MB21D2: variants seen among roughly 807,000 people sequenced by gnomAD.
MB21D2 encodes Mab-21 domain containing 2.
A neutral mutation model predicts 33.3 loss-of-function variants in MB21D2; 9 were observed. The ratio of observed to expected loss-of-function variants is 0.27; its 90% confidence interval spans 0.16 to 0.47. The LOEUF (loss-of-function observed/expected upper bound fraction) is 0.47, where lower values mean the gene tolerates loss of function less well. Among genes scored for constraint, MB21D2 ranks in the 20% least tolerant of loss-of-function variants. The probability of loss-of-function intolerance (pLI) is 0.99; values close to 1 mark genes in which losing one functional copy is unlikely to be tolerated. For synonymous variants in MB21D2, 241 were observed against 236.3 expected (o/e 1.02, Z -0.18); for missense variants, 540 against 624.6 (o/e 0.86, Z 1.44).
chr3:192,887,707 CT>C (rs1713763378), intron 1 of MB21D2, among the ~76,000 whole-genome samples: 2 of 152,100 alleles, frequency 1.3e-5, no homozygotes, highest in African/African-American at 4.8e-5. Context: ...TATTTTTTCC[CT>C]TTACTAACAG....
At chr3:192,806,898 C>A (rs1425521200) in intron 1 of MB21D2, among the ~76,000 whole-genome samples, 1 of 152,138 alleles carries the variant, frequency 6.6e-6, no homozygotes, top group Non-Finnish European at 1.5e-5. Context: ...GACCTGGATT[C>A]GAGTCCAATT....
At chr3:192,868,729 CA>C (rs1372351053) in intron 1 of MB21D2, among the ~76,000 whole-genome samples, 1 of 152,038 alleles carries the variant, frequency 6.6e-6, no homozygotes, top group African/African-American at 2.4e-5. Flanking sequence ...GTGCTATGCC[CA>C]AGGAAGGATG....
chr3:192,851,436 A>G (rs1338265898), intron 1 of MB21D2, among the ~76,000 whole-genome samples: 1 of 151,194 alleles, frequency 6.6e-6, no homozygotes, highest in Admixed American at 6.6e-5. Flanking sequence ...AGAGTGATCA[A>G]TGTGAATTTT....
At chr3:192,893,286 A>T (rs1713894385) in intron 1 of MB21D2, among the ~76,000 whole-genome samples, 1 of 152,194 alleles carries the variant, frequency 6.6e-6, no homozygotes, top group South Asian at 2.1e-4. Context: ...CGTTCCAAAC[A>T]TTTCCTTGAA....
intron 1 of MB21D2, among the ~76,000 whole-genome samples, chr3:192,809,433 T>C (rs374603196): frequency 6.6e-6 from 1 of 151,984 alleles, no homozygotes; most frequent in East Asian, 1.9e-4. Flanking sequence ...TTAAGAAAAA[T>C]AGCAGCCAAA....
chr3:192,852,800 GACCCCC>G (rs1712834977), intron 1 of MB21D2, among the ~76,000 whole-genome samples: 1 of 139,956 alleles, frequency 7.1e-6, no homozygotes, highest in African/African-American at 2.6e-5. Flanking sequence ...CCCCACCACT[GACCCCC>G]ACTTCCAGTC....
intron 1 of MB21D2, among the ~76,000 whole-genome samples, chr3:192,824,268 G>A (rs779643657): frequency 7.2e-5 from 11 of 152,034 alleles, no homozygotes; most frequent in Non-Finnish European, 1.3e-4. Flanking sequence ...CAAGTAGGTT[G>A]GGAGATGTAA....
intron 1 of MB21D2, among the ~76,000 whole-genome samples, chr3:192,881,800 G>A (rs571636851): frequency 6.6e-6 from 1 of 152,260 alleles, no homozygotes; most frequent in East Asian, 1.9e-4. Context: ...TCACTAGGGA[G>A]CTATAAATGC....
intron 1 of MB21D2, among the ~76,000 whole-genome samples, chr3:192,811,351 C>A (rs1711784043): frequency 6.6e-6 from 1 of 152,126 alleles, no homozygotes; most frequent in South Asian, 2.1e-4. Flanking sequence ...ATTCTTGTTT[C>A]TGGAACTGTA....
intron 1 of MB21D2, among the ~76,000 whole-genome samples, chr3:192,886,986 G>C (rs1231568784): frequency 6.9e-6 from 1 of 145,984 alleles, no homozygotes; most frequent in Non-Finnish European, 1.5e-5. Context: ...GTAAGTTAAG[G>C]AAAGGAAAAA....
At chr3:192,845,314 AC>A (rs1712656819) in intron 1 of MB21D2, among the ~76,000 whole-genome samples, 1 of 152,358 alleles carries the variant, frequency 6.6e-6, no homozygotes, top group South Asian at 2.1e-4. Context: ...AGGACAATGT[AC>A]CATTCCTAAG....
chr3:192,851,978 C>T (rs1418921446), intron 1 of MB21D2, among the ~76,000 whole-genome samples: 1 of 152,166 alleles, frequency 6.6e-6, no homozygotes, highest in African/African-American at 2.4e-5. Context: ...TCAACAAAGA[C>T]TAGAACAACT....
intron 1 of MB21D2, among the ~76,000 whole-genome samples, chr3:192,858,040 G>A (rs966923544): frequency 4.6e-5 from 7 of 152,088 alleles, no homozygotes; most frequent in African/African-American, 7.2e-5. Context: ...CAGGAAAATC[G>A]CTTGAACCCA....
chr3:192,865,613 G>A (rs1006797120), intron 1 of MB21D2, among the ~76,000 whole-genome samples: 4 of 152,192 alleles, frequency 2.6e-5, no homozygotes, highest in Non-Finnish European at 5.9e-5. Context: ...TAAGGATAAA[G>A]TGAGAATTGA....
At chr3:192,896,653 T>C (rs1002242463) in intron 1 of MB21D2, among the ~76,000 whole-genome samples, 2 of 152,204 alleles carry the variant, frequency 1.3e-5, no homozygotes, top group African/African-American at 4.8e-5. Flanking sequence ...TACAAAGACA[T>C]TGCCACTGGA....
chr3:192,809,062 A>T (rs1711729861), intron 1 of MB21D2, among the ~76,000 whole-genome samples: 3 of 152,180 alleles, frequency 2.0e-5, no homozygotes, highest in Admixed American at 2.0e-4. Context: ...CATCTCGTTC[A>T]ATCTTCTTGG....
At chr3:192,908,939 A>T (rs1002555491) in intron 1 of MB21D2, among the ~76,000 whole-genome samples, 3 of 152,050 alleles carry the variant, frequency 2.0e-5, no homozygotes, top group Non-Finnish European at 4.4e-5. Context: ...ATCACACAGG[A>T]TTTCCAAGAA....
intron 1 of MB21D2, among the ~76,000 whole-genome samples, chr3:192,803,646 T>C (rs1711598887): frequency 6.6e-6 from 1 of 152,210 alleles, no homozygotes; most frequent in Non-Finnish European, 1.5e-5. Context: ...ACATCAGCTA[T>C]CATGGCAGAT....
chr3:192,908,331 A>G (rs1714255587), intron 1 of MB21D2, among the ~76,000 whole-genome samples: 1 of 152,118 alleles, frequency 6.6e-6, no homozygotes, highest in South Asian at 2.1e-4. Context: ...AAGCATGGGA[A>G]AGAACAGGCT....
Sources: allele counts gnomAD v4.1 joint callset (sites outside exome capture counted in the v4.1 genomes callset), GRCh38; gene constraint gnomAD v4.1.1; transcripts MANE v1.5; gene names NCBI Gene and HGNC (gene_info 2026-07-23, HGNC 2026-07-21).